CSNK1G3: variants seen among roughly 807,000 people sequenced by gnomAD.
CSNK1G3 encodes the protein casein kinase I isoform gamma-3.
Under a neutral mutation model 64.3 loss-of-function variants are expected in CSNK1G3, and 23 were observed. The observed-to-expected ratio is 0.36, with a 90% CI of 0.26 to 0.51. CSNK1G3 has a LOEUF of 0.51. Among genes scored for constraint, CSNK1G3 ranks in the 20% least tolerant of loss-of-function variants. The pLI is 0.96. For synonymous variants in CSNK1G3, 158 were observed against 162.2 expected, an observed-to-expected ratio of 0.97 and a Z score of 0.20; for missense variants, 357 against 510.5, an observed-to-expected ratio of 0.70 and a Z score of 2.90.
At chr5:123,532,587 A>C (rs1377864161) in intron 1 of CSNK1G3, among the ~76,000 whole-genome samples, 2 of 151,836 alleles carry the variant, frequency 1.3e-5, no homozygotes, top group Non-Finnish European at 2.9e-5. Flanking sequence ...CAGGAAGTGT[A>C]TGGATTTCAT....
chr5:123,568,731 A>T (rs143270501), intron 4 of CSNK1G3, among the ~76,000 whole-genome samples: 76 of 152,294 alleles, frequency 5.0e-4, no homozygotes, highest in Admixed American at 1.5e-3. Context: ...TTGAACTGCC[A>T]CTGCACTCTA....
intron 6 of CSNK1G3, among the ~76,000 whole-genome samples, chr5:123,578,344 A>G (rs955944683): frequency 2.6e-5 from 4 of 151,620 alleles, no homozygotes; most frequent in African/African-American, 9.7e-5. Context: ...AGTCTTTTTC[A>G]TTGTAGCTAT....
At chr5:123,525,556 A>C (rs1007319996) in intron 1 of CSNK1G3, among the ~76,000 whole-genome samples, 8 of 151,984 alleles carry the variant, frequency 5.3e-5, no homozygotes, top group Non-Finnish European at 7.4e-5. Context: ...CGGCCTCCCA[A>C]AGTGTTGGGA....
intron 10 of CSNK1G3, among the ~76,000 whole-genome samples, chr5:123,598,966 G>A (rs113778768): frequency 2.2e-3 from 341 of 152,212 alleles, no homozygotes; most frequent in African/African-American, 7.8e-3. Context: ...TGGGGCTGAC[G>A]GGAAAGGAAA....
chr5:123,590,333 T>C (rs1792111516), intron 8 of CSNK1G3, 77 bp from the exon 9 acceptor site: 1 of 635,036 alleles, frequency 1.6e-6, no homozygotes, highest in African/African-American at 1.9e-5. Context: ...TATAATACAA[T>C]GTGCTTTTAG....
intron 3 of CSNK1G3, among the ~76,000 whole-genome samples, chr5:123,557,137 T>A (rs1252323047): frequency 6.6e-6 from 1 of 152,108 alleles, no homozygotes; most frequent in Non-Finnish European, 1.5e-5. Flanking sequence ...ATCTAGAACC[T>A]TTATGTAAGA....
exon 2 of CSNK1G3, chr5:123,545,673 A>C: frequency 2.5e-6 from 4 of 1,611,346 alleles, no homozygotes; most frequent in Non-Finnish European, 3.4e-6. Context: ...TATGGAAAAT[A>C]AAAAGAAAGA....
chr5:123,606,738 G>GT (rs2151183636), intron 12 of CSNK1G3, among the ~76,000 whole-genome samples: 1 of 152,198 alleles, frequency 6.6e-6, no homozygotes, highest in East Asian at 1.9e-4. Context: ...GAAACTGGCT[G>GT]TTCTGTGTTT....
At chr5:123,576,475 A>G (rs1789189925) in intron 6 of CSNK1G3, among the ~76,000 whole-genome samples, 1 of 152,162 alleles carries the variant, frequency 6.6e-6, no homozygotes, top group Non-Finnish European at 1.5e-5. Flanking sequence ...GGGGTTTCTT[A>G]TTGGTAAAAA....
At chr5:123,607,566 A>G (rs952238668) in intron 12 of CSNK1G3, among the ~76,000 whole-genome samples, 1 of 152,178 alleles carries the variant, frequency 6.6e-6, no homozygotes, top group African/African-American at 2.4e-5. Context: ...ATAGACATCA[A>G]AAGATTAGTG....
intron 10 of CSNK1G3, 130 bp downstream of exon 11, chr5:123,595,264 A>G (rs980235437): frequency 2.5e-6 from 2 of 800,790 alleles, no homozygotes; most frequent in Non-Finnish European, 3.8e-6. Flanking sequence ...CCATAATTCT[A>G]TTCCTTTGTT....
chr5:123,599,889 A>G (rs1050683887), intron 10 of CSNK1G3, among the ~76,000 whole-genome samples: 3 of 152,100 alleles, frequency 2.0e-5, no homozygotes, highest in South Asian at 2.1e-4. Context: ...TTACAGTAAC[A>G]TCTCTGAAGA....
At chr5:123,606,947 T>G (rs1418609809) in intron 12 of CSNK1G3, among the ~76,000 whole-genome samples, 1 of 152,134 alleles carries the variant, frequency 6.6e-6, no homozygotes, top group Non-Finnish European at 1.5e-5. Context: ...TTTTAAAAAA[T>G]GGTTAGAGCT....
chr5:123,519,205 C>T (rs537200972), intron 1 of CSNK1G3, among the ~76,000 whole-genome samples: 3 of 152,114 alleles, frequency 2.0e-5, no homozygotes, highest in South Asian at 4.2e-4. Flanking sequence ...AGGCAGTCGC[C>T]ACCTTTCCTG....
At chr5:123,613,528 TAG>T (rs150704102) in intron 12 of CSNK1G3, among the ~76,000 whole-genome samples, 14 of 151,656 alleles carry the variant, frequency 9.2e-5, no homozygotes, top group African/African-American at 3.1e-4. Context: ...TATATGTAGT[TAG>T]AGAGAGAGAG....
intron 4 of CSNK1G3, among the ~76,000 whole-genome samples, chr5:123,568,675 A>G (rs891885051): frequency 1.3e-5 from 2 of 152,152 alleles, no homozygotes; most frequent in South Asian, 4.2e-4. Context: ...ATGGCCAACC[A>G]CTATGCTCCT....
At chr5:123,584,613 G>C (rs929401727) in intron 6 of CSNK1G3, among the ~76,000 whole-genome samples, 2 of 152,138 alleles carry the variant, frequency 1.3e-5, no homozygotes, top group African/African-American at 2.4e-5. Flanking sequence ...GTTGGTAACA[G>C]GGTAATGCAG....
chr5:123,591,495 G>A (rs572433620), intron 10 of CSNK1G3, 81 bp downstream of exon 10: 1 of 747,746 alleles, frequency 1.3e-6, no homozygotes, highest in Admixed American at 3.1e-5. Context: ...AAAACAGACT[G>A]AAGGATTGAA....
chr5:123,532,874 T>C (rs768352981), intron 1 of CSNK1G3, among the ~76,000 whole-genome samples: 13 of 152,070 alleles, frequency 8.5e-5, no homozygotes, highest in Admixed American at 5.9e-4. Context: ...TTCTAGTCTT[T>C]GAATTTTTCA....
Sources: allele counts gnomAD v4.1 joint callset (sites outside exome capture counted in the v4.1 genomes callset), GRCh38; gene constraint gnomAD v4.1.1; transcripts MANE v1.5; gene names NCBI Gene and HGNC (gene_info 2026-07-23, HGNC 2026-07-21).